PDE4D: variants seen among roughly 807,000 people sequenced by gnomAD.
The protein encoded by PDE4D is phosphodiesterase 4D.
In PDE4D, 24 loss-of-function variants were observed where a neutral mutation model predicts 87.4. That is an observed-to-expected ratio of 0.27 (90% CI 0.20 to 0.39). PDE4D has a LOEUF of 0.39. Ranked by LOEUF, PDE4D falls within the 10% of genes least tolerant of loss-of-function variation. The probability of loss-of-function intolerance (pLI) is 1.00; values close to 1 mark genes in which losing one functional copy is unlikely to be tolerated. For synonymous variants in PDE4D, 384 were observed against 383.2 expected, an observed-to-expected ratio of 1.00 and a Z score of -0.02; for missense variants, 714 against 1,041.0, an observed-to-expected ratio of 0.69 and a Z score of 4.32.
chr5:60,369,850 C>T (rs891507979), intron 1 of PDE4D, among the ~76,000 whole-genome samples: 6 of 152,156 alleles, frequency 3.9e-5, no homozygotes, highest in South Asian at 2.1e-4. Context: ...TCAGACCAGA[C>T]GTGAATCGAG....
intron 1 of PDE4D, among the ~76,000 whole-genome samples, chr5:59,728,710 G>T (rs1313335538): frequency 2.0e-5 from 3 of 151,934 alleles, no homozygotes; most frequent in Non-Finnish European, 1.5e-5. Flanking sequence ...CATAAAATTG[G>T]GTTTGAATAT....
intron 1 of PDE4D, among the ~76,000 whole-genome samples, chr5:59,332,944 CA>C (rs1777000049): frequency 6.6e-6 from 1 of 152,180 alleles, no homozygotes; most frequent in South Asian, 2.1e-4. Flanking sequence ...TGCCTCTTTG[CA>C]AATGGTGATA....
chr5:60,387,271 T>G (rs570190226), intron 1 of PDE4D, among the ~76,000 whole-genome samples: 2 of 152,144 alleles, frequency 1.3e-5, no homozygotes, highest in African/African-American at 4.8e-5. Flanking sequence ...AGCCAAGGAG[T>G]TGCTATTTGA....
intron 2 of PDE4D, among the ~76,000 whole-genome samples, chr5:60,037,104 G>T (rs1399288549): frequency 1.3e-5 from 2 of 152,110 alleles, no homozygotes; most frequent in Admixed American, 6.5e-5. Context: ...TACGCATATG[G>T]TTTTTCATCA....
chr5:59,014,286 G>T (rs1354030435), intron 6 of PDE4D, among the ~76,000 whole-genome samples: 2 of 152,166 alleles, frequency 1.3e-5, no homozygotes, highest in Admixed American at 6.5e-5. Flanking sequence ...AGTGTTGAAA[G>T]TTCTGGCCAG....
intron 1 of PDE4D, among the ~76,000 whole-genome samples, chr5:60,349,732 T>A (rs1351306191): frequency 1.3e-5 from 2 of 152,176 alleles, no homozygotes. Context: ...TTTTTTTATA[T>A]AGCAGGTAAG....
At chr5:59,183,432 G>A (rs934748107) in intron 4 of PDE4D, among the ~76,000 whole-genome samples, 12 of 152,184 alleles carry the variant, frequency 7.9e-5, no homozygotes, top group Admixed American at 2.6e-4. Context: ...GCCTCAGATC[G>A]TCTCTGGAGC....
intron 1 of PDE4D, among the ~76,000 whole-genome samples, chr5:59,452,080 A>G (rs1044398758): frequency 6.6e-6 from 1 of 152,026 alleles, no homozygotes; most frequent in Non-Finnish European, 1.5e-5. Flanking sequence ...TCTTTTTTTT[A>G]GTTCATCAGC....
intron 5 of PDE4D, among the ~76,000 whole-genome samples, chr5:59,075,866 C>T (rs1765612415): frequency 6.6e-6 from 1 of 152,034 alleles, no homozygotes; most frequent in Non-Finnish European, 1.5e-5. Context: ...AAGACCCATA[C>T]TATCTTTTCC....
At chr5:59,989,393 C>T (rs966602200) in intron 2 of PDE4D, among the ~76,000 whole-genome samples, 1 of 151,870 alleles carries the variant, frequency 6.6e-6, no homozygotes, top group Non-Finnish European at 1.5e-5. Context: ...TGTTATATAG[C>T]ACATGACTGT....
chr5:60,264,323 T>C (rs62371997), intron 1 of PDE4D, among the ~76,000 whole-genome samples: 8,070 of 152,284 alleles, frequency 0.053, 399 homozygotes, highest in Admixed American at 0.16. Context: ...GACTTGAAGA[T>C]GGCTGAGAAA....
At chr5:60,011,002 C>T (rs960509026) in intron 2 of PDE4D, among the ~76,000 whole-genome samples, 5 of 152,232 alleles carry the variant, frequency 3.3e-5, no homozygotes, top group Non-Finnish European at 4.4e-5. Context: ...AAATTTATCT[C>T]AACCTGCACT....
intron 1 of PDE4D, among the ~76,000 whole-genome samples, chr5:59,863,938 C>T (rs142835538): frequency 6.6e-6 from 1 of 152,198 alleles, no homozygotes; most frequent in Non-Finnish European, 1.5e-5. Flanking sequence ...GCTTCAAAAC[C>T]CTGACTGGCT....
At chr5:59,480,478 C>T (rs906236993) in intron 1 of PDE4D, among the ~76,000 whole-genome samples, 9 of 152,042 alleles carry the variant, frequency 5.9e-5, no homozygotes, top group African/African-American at 2.2e-4. Flanking sequence ...TTCCCACTAC[C>T]ACCCAACACC....
intron 1 of PDE4D, among the ~76,000 whole-genome samples, chr5:60,342,118 C>T (rs894842719): frequency 6.6e-6 from 1 of 152,300 alleles, no homozygotes; most frequent in South Asian, 2.1e-4. Context: ...TCATGGAAGA[C>T]AGAGAAGAAT....
chr5:60,442,877 T>C (rs570334020), intron 1 of PDE4D, among the ~76,000 whole-genome samples: 4 of 152,262 alleles, frequency 2.6e-5, no homozygotes, highest in African/African-American at 9.6e-5. Flanking sequence ...CTATTAATGT[T>C]GAAGCTTTTG....
chr5:59,578,968 G>A (rs751531154), intron 1 of PDE4D, among the ~76,000 whole-genome samples: 34 of 150,942 alleles, frequency 2.3e-4, no homozygotes, highest in Non-Finnish European at 3.8e-4. Flanking sequence ...CTCCTCCTTC[G>A]TTCTTAAGCA....
chr5:59,626,352 G>C (rs902497111), intron 1 of PDE4D, among the ~76,000 whole-genome samples: 2 of 152,172 alleles, frequency 1.3e-5, no homozygotes, highest in African/African-American at 4.8e-5. Context: ...GTTGTTCACT[G>C]AAAATATATA....
At position 60,515,601 on chromosome 5, in the gene PDE4D, C is replaced by CTTTTTTTTTT. The variant is rs954970783; in HGVS notation, n.70+6440_70+6449dup. Among the ~76,000 whole-genome samples, 656 of 106,744 alleles carry CTTTTTTTTTT rather than the reference C, an allele frequency of 6.1e-3. 5 individuals carry two copies. Among genetic ancestry groups the CTTTTTTTTTT allele is most frequent in the African/African-American group, 0.018 (574 of 31,390 alleles). The allele number at this position is 106,744 out of a possible 152,430, so 70.0% of individuals were successfully genotyped here. A position where few individuals can be genotyped will look rare whatever the true frequency, so the allele number is the denominator to read the frequency against. On this transcript the variant is annotated intron_variant and non_coding_transcript_variant, in intron 1 of 2. Coordinates refer to the PDE4D transcript ENST00000506510. ...CTGAGCTTTCTTTCCTTTTCTTTTT[C>CTTTTTTTTTT]TTTTTTTTTTTTTTTTTTCTGTCAG...
Sources: allele counts gnomAD v4.1 joint callset (sites outside exome capture counted in the v4.1 genomes callset), GRCh38; gene constraint gnomAD v4.1.1; transcripts MANE v1.5; gene names NCBI Gene and HGNC (gene_info 2026-07-23, HGNC 2026-07-21).